FRMD3: variants seen among roughly 807,000 people sequenced by gnomAD.
The protein encoded by FRMD3 is FERM domain-containing protein 3.
FRMD3 carries 33 observed loss-of-function variants against 70.2 expected under a neutral mutation model. The observed-to-expected ratio is 0.47, with a 90% CI of 0.36 to 0.63. The LOEUF (loss-of-function observed/expected upper bound fraction) is 0.63. Among genes scored for constraint, FRMD3 ranks in the 20% least tolerant of loss-of-function variants. The pLI, the probability that FRMD3 is intolerant of heterozygous loss-of-function variation, is 0.00. For missense variants in FRMD3, 632 were observed against 711.4 expected, an observed-to-expected ratio of 0.89 and a Z score of 1.27; for synonymous variants, 279 against 255.9, an observed-to-expected ratio of 1.09 and a Z score of -0.86.
rs986746774 is a variant in FRMD3 at position 83,247,303 on chromosome 9, G to A, written c.*615C>T. ...AAAATATTTTTAAAAACAAAGTAGC[G>A]CCAAAACATTAAAAAAATTCTGATA... On this transcript the variant is annotated 3_prime_UTR_variant, in exon 14 of 14. Coordinates refer to ENST00000304195, the MANE Select transcript of FRMD3 (RefSeq NM_174938.6). The A allele has an allele frequency of 8.1e-6, 8 of 983,244 alleles. No individual in the cohort carries two copies. Among genetic ancestry groups the A allele is most frequent in the South Asian group, 9.4e-5 (2 of 21,230 alleles). 60.9% of individuals were successfully genotyped at this position (983,244 alleles called of 1,614,324 possible). A position where few individuals can be genotyped will look rare whatever the true frequency, so the allele number is the denominator to read the frequency against.
intron 1 of FRMD3, among the ~76,000 whole-genome samples, chr9:83,390,568 T>C (rs749196391): frequency 5.9e-5 from 9 of 152,200 alleles, no homozygotes; most frequent in Non-Finnish European, 1.2e-4. Flanking sequence ...ATAAGGTGGT[T>C]GGACTAGATT....
intron 1 of FRMD3, among the ~76,000 whole-genome samples, chr9:83,436,377 T>C (rs1370841212): frequency 6.6e-6 from 1 of 152,114 alleles, no homozygotes; most frequent in African/African-American, 2.4e-5. Context: ...GGCTTTGCTA[T>C]TTTTAGCTTT....
the FRMD3 span, among the ~76,000 whole-genome samples, chr9:83,573,990 G>A: frequency 6.6e-6 from 1 of 152,110 alleles, no homozygotes; most frequent in Non-Finnish European, 1.5e-5. Context: ...CTAAAAAATA[G>A]CAAGGCTATT....
intron 1 of FRMD3, among the ~76,000 whole-genome samples, chr9:83,514,023 C>T (rs142726823): frequency 1.4e-3 from 206 of 152,314 alleles, no homozygotes; most frequent in African/African-American, 4.9e-3. Context: ...GTTTCAAGCA[C>T]ATAGCTGGGC....
intron 1 of FRMD3, among the ~76,000 whole-genome samples, chr9:83,505,859 GA>G (rs1478207090): frequency 6.6e-6 from 1 of 152,186 alleles, no homozygotes; most frequent in Non-Finnish European, 1.5e-5. Context: ...GGTCCTCCGT[GA>G]TCCCGGAGAT....
At chr9:83,353,275 A>C (rs1587760465) in intron 3 of FRMD3, among the ~76,000 whole-genome samples, 1 of 88,178 alleles carries the variant, frequency 1.1e-5, no homozygotes, top group Non-Finnish European at 2.2e-5. Context: ...AGGCCACTGC[A>C]GTGGGGTGGG....
At chr9:83,324,444 C>G (rs1221276244) in intron 6 of FRMD3, among the ~76,000 whole-genome samples, 2 of 151,992 alleles carry the variant, frequency 1.3e-5, no homozygotes, top group Non-Finnish European at 2.9e-5. Context: ...GATGTTTTTT[C>G]AATTATTCTT....
intron 1 of FRMD3, among the ~76,000 whole-genome samples, chr9:83,516,514 A>G (rs982554449): frequency 2.0e-5 from 3 of 152,174 alleles, no homozygotes; most frequent in African/African-American, 7.2e-5. Flanking sequence ...CTCCCACACA[A>G]TAATAGTGGG....
chr9:83,463,456 A>C (rs911678855), intron 1 of FRMD3, among the ~76,000 whole-genome samples: 1 of 152,146 alleles, frequency 6.6e-6, no homozygotes. Context: ...CAGAAAAAAG[A>C]ATGAGTAAAA....
intron 4 of FRMD3, 68 bp downstream of exon 4, chr9:83,349,611 C>T: frequency 1.7e-6 from 2 of 1,155,348 alleles, no homozygotes; most frequent in Non-Finnish European, 2.5e-6. Context: ...GCCCATCTAG[C>T]CTGCAAGACC....
rs149490880 is a variant in FRMD3 at position 83,344,311 on chromosome 9, G to A, written c.375-1024C>T. Among the ~76,000 whole-genome samples, 18 of 152,266 alleles carry A rather than the reference G, an allele frequency of 1.2e-4. No individual in the cohort carries two copies. The East Asian group carries it at 3.3e-3, about 28-fold the overall frequency. The stretch of plus-strand genomic sequence containing the variant: ...TTTTCTCCTTCTCAACTTCTTGGGG[G>A]TTTGTGGGGAGCATCTCTCAATCAG... On this transcript the variant is annotated intron_variant, in intron 4 of 13. Coordinates refer to ENST00000304195, the MANE Select transcript of FRMD3 (RefSeq NM_174938.6).
At chr9:83,337,606 A>G (rs1453864818) in intron 5 of FRMD3, among the ~76,000 whole-genome samples, 2 of 152,238 alleles carry the variant, frequency 1.3e-5, no homozygotes, top group African/African-American at 4.8e-5. Flanking sequence ...AGATAGTGGG[A>G]AAATTGTATT....
chr9:83,255,968 T>G (rs1173776767), intron 13 of FRMD3, among the ~76,000 whole-genome samples: 1 of 152,158 alleles, frequency 6.6e-6, no homozygotes, highest in Non-Finnish European at 1.5e-5. Context: ...AGAGATTTAA[T>G]GCTATTCCCA....
At chr9:83,312,391 C>G (rs1410606447) in intron 7 of FRMD3, among the ~76,000 whole-genome samples, 1 of 152,202 alleles carries the variant, frequency 6.6e-6, no homozygotes, top group Non-Finnish European at 1.5e-5. Context: ...CAATCTCTCA[C>G]AGGATTTCTG....
intron 1 of FRMD3, among the ~76,000 whole-genome samples, chr9:83,407,660 G>A (rs1197791476): frequency 6.6e-6 from 1 of 152,090 alleles, no homozygotes; most frequent in Non-Finnish European, 1.5e-5. Context: ...TAAAACATAG[G>A]AGCAAAAACC....
chr9:83,466,110 C>T (rs1159157012), intron 1 of FRMD3, among the ~76,000 whole-genome samples: 2 of 152,096 alleles, frequency 1.3e-5, no homozygotes, highest in African/African-American at 2.4e-5. Flanking sequence ...AAGGGGAGAA[C>T]AAAAAGGAAC....
At chr9:83,322,186 G>A (rs1180273476) in intron 6 of FRMD3, among the ~76,000 whole-genome samples, 3 of 151,938 alleles carry the variant, frequency 2.0e-5, no homozygotes, top group Admixed American at 6.6e-5. Flanking sequence ...GCAGCCCATT[G>A]CAGGGCAGTG....
At chr9:83,558,172 T>C in the FRMD3 span, among the ~76,000 whole-genome samples, 1 of 152,248 alleles carries the variant, frequency 6.6e-6, no homozygotes, top group South Asian at 2.1e-4. Flanking sequence ...TTAGCTTAAA[T>C]ACAGTAGCTT....
intron 2 of FRMD3, among the ~76,000 whole-genome samples, chr9:83,387,855 T>C (rs1045066253): frequency 3.3e-5 from 5 of 152,210 alleles, no homozygotes; most frequent in African/African-American, 1.2e-4. Context: ...AAGTGCATGT[T>C]GCTGGCCCTA....
Sources: gnomAD v4.1 joint callset for allele counts (sites outside exome capture counted in the v4.1 genomes callset) on GRCh38, gnomAD v4.1.1 for gene constraint, MANE v1.5 for transcripts, NCBI Gene and HGNC (gene_info 2026-07-23, HGNC 2026-07-21) for gene names.